The following ZNF529 variants were observed in gnomAD, a reference collection of about 807,000 sequenced individuals.
ZNF529 encodes the protein zinc finger protein 529.
A neutral mutation model predicts 10.1 loss-of-function variants in ZNF529; 11 were observed. The ratio of observed to expected loss-of-function variants is 1.09; its 90% confidence interval spans 0.69 to 1.81. The LOEUF (loss-of-function observed/expected upper bound fraction) is 1.81, where lower values mean the gene tolerates loss of function less well. Ranked by LOEUF, ZNF529 falls within the 40% of genes most tolerant of loss-of-function variation. The pLI is 0.00. For missense variants in ZNF529, 624 were observed against 666.8 expected (o/e 0.94, Z 0.71); for synonymous variants, 204 against 215.7 (o/e 0.95, Z 0.47).
Position 36,572,338 on chromosome 19 carries a change from G to A in ZNF529, c.9C>T (p.Asn3=), listed in dbSNP as rs893176945. 6.5e-7 allele frequency: 1 copy of A among 1,550,254 alleles called. No individual in the cohort carries two copies. The highest frequency in any genetic ancestry group is 2.0e-5 in the Admixed American group (1 of 50,894). The change falls in exon 2 of 5, where the codon AAC becomes AAT. Residue 3 remains asparagine (N), a synonymous_variant. Transcript: ENST00000591340. MA[N]SSFIGDHVHG... ...GAACAAAAAAAAAAACTAACCTTGA[G>A]TTGGCCATTAGTACCAATGCTGTCT...
At chr19:36,586,792 A>G (rs1348778332) in intron 2 of ZNF529, among the ~76,000 whole-genome samples, 1 of 152,192 alleles carries the variant, frequency 6.6e-6, no homozygotes, top group African/African-American at 2.4e-5. Context: ...AGTCTTTAAC[A>G]CCTCATATTT....
chr19:36,566,007 T>TCTC (rs1345331883), intron 2 of ZNF529, among the ~76,000 whole-genome samples: 1 of 152,184 alleles, frequency 6.6e-6, no homozygotes, highest in Non-Finnish European at 1.5e-5. Flanking sequence ...TGAGACAGGG[T>TCTC]CTCACTCTTT....
chr19:36,584,985 C>T (rs2036549245), intron 2 of ZNF529, among the ~76,000 whole-genome samples: 1 of 152,064 alleles, frequency 6.6e-6, no homozygotes, highest in Admixed American at 6.6e-5. Context: ...ATAAAAGAAG[C>T]AGCAAGTATA....
chr19:36,579,014 A>G (rs1352370175), intron 2 of ZNF529, among the ~76,000 whole-genome samples: 1 of 151,896 alleles, frequency 6.6e-6, no homozygotes, highest in Admixed American at 6.5e-5. Context: ...GTTCGAGACC[A>G]GCCTGGCCAA....
chr19:36,565,405 AC>A (rs2035858285), intron 2 of ZNF529, among the ~76,000 whole-genome samples: 1 of 152,164 alleles, frequency 6.6e-6, no homozygotes, highest in Non-Finnish European at 1.5e-5. Flanking sequence ...AAAGCCATAT[AC>A]AAAAATGAAG....
intron 1 of ZNF529, among the ~76,000 whole-genome samples, chr19:36,597,832 T>C (rs965531218): frequency 7.2e-5 from 11 of 152,140 alleles, no homozygotes; most frequent in Non-Finnish European, 1.3e-4. Flanking sequence ...TTATTTTACT[T>C]ATGAGAAGTT....
In ZNF529 at chr19:36,572,396, C is replaced by T. The variant is rs2036154673; in HGVS notation, c.-46-4G>A. 6.5e-7 allele frequency: 1 copy of T among 1,549,286 alleles called. No homozygotes were observed. On this transcript the variant is annotated splice_region_variant and splice_polypyrimidine_tract_variant and intron_variant, in intron 1 of 4. Transcript: ENST00000591340. The stretch of plus-strand genomic sequence containing the variant: ...CAGGGGGCCTTCACTTGCAGAACTA[C>T]ATAACCAAGAGGGAGAAAGGACTCA...
intron 1 of ZNF529, chr19:36,594,853 C>G (rs1267441061): frequency 6.6e-6 from 1 of 152,104 alleles, no homozygotes; most frequent in Admixed American, 6.6e-5. Context: ...CTGCTTCTAG[C>G]TCAGCACTTC....
intron 1 of ZNF529, among the ~76,000 whole-genome samples, chr19:36,599,712 G>A (rs943204142): frequency 3.9e-5 from 6 of 152,216 alleles, no homozygotes; most frequent in African/African-American, 1.4e-4. Context: ...CATCAGGAAT[G>A]ATAAAACCTA....
At chr19:36,565,579 T>C (rs1260307685) in intron 2 of ZNF529, among the ~76,000 whole-genome samples, 2 of 152,136 alleles carry the variant, frequency 1.3e-5, no homozygotes, top group Admixed American at 1.3e-4. Context: ...CACATGCCTA[T>C]AATCCCAGCT....
At chr19:36,575,350 C>T (rs188503925), upstream of ZNF529, among the ~76,000 whole-genome samples, 166 of 152,280 alleles carry the variant, frequency 1.1e-3, 1 homozygote, top group Non-Finnish European at 1.8e-3. Context: ...CTGGAAACAT[C>T]ATACAAACTA....
chr19:36,572,798 CGT>C (rs1212552505), intron 1 of ZNF529, among the ~76,000 whole-genome samples: 3 of 151,204 alleles, frequency 2.0e-5, no homozygotes, highest in Admixed American at 2.0e-4. Flanking sequence ...TATCTATATG[CGT>C]GTGTGTGTGT....
chr19:36,553,116 G>C (rs144176537), intron 4 of ZNF529, among the ~76,000 whole-genome samples: 1 of 152,110 alleles, frequency 6.6e-6, no homozygotes, highest in Admixed American at 6.6e-5. Flanking sequence ...CAGAGTTATT[G>C]TAAGAATTAA....
At chr19:36,598,349 T>C (rs966213169) in intron 1 of ZNF529, among the ~76,000 whole-genome samples, 1 of 151,804 alleles carries the variant, frequency 6.6e-6, no homozygotes, top group Non-Finnish European at 1.5e-5. Flanking sequence ...GTGTCTACAA[T>C]AGTAAAAAAT....
At chr19:36,588,965 C>G (rs996741639) in intron 2 of ZNF529, among the ~76,000 whole-genome samples, 2 of 137,710 alleles carry the variant, frequency 1.5e-5, no homozygotes, top group African/African-American at 5.5e-5. Context: ...TTTTTTAAGA[C>G]AGGATCACGC....
intron 2 of ZNF529, 75 bp downstream of exon 2, chr19:36,572,258 C>CA: frequency 6.7e-7 from 1 of 1,485,532 alleles, no homozygotes; most frequent in Non-Finnish European, 9.2e-7. Flanking sequence ...CAAGGGGACC[C>CA]ATCTCTACGG....
intron 2 of ZNF529, among the ~76,000 whole-genome samples, chr19:36,568,143 T>C (rs559788635): frequency 8.5e-5 from 13 of 152,284 alleles, no homozygotes; most frequent in East Asian, 1.9e-4. Context: ...CTGAGGAAGC[T>C]TCAATTCCCT....
rs60390575 is a variant in ZNF529, at chr19:36,596,362, G to A, written c.-127-6661C>T. ...GCTGGGATTACAGACGTGAGCCACCGCACCCAGCCTTGGGTATAAACTTTT... is the reference window on the plus strand; with the variant it reads ...GCTGGGATTACAGACGTGAGCCACCACACCCAGCCTTGGGTATAAACTTTT... On this transcript the variant is annotated intron_variant, in intron 1 of 4. Coordinates refer to the ZNF529 transcript ENST00000585960. Among the ~76,000 whole-genome samples, 1,457 of 151,620 alleles carry A rather than the reference G, an allele frequency of 9.6e-3. 17 individuals carry two copies. Among genetic ancestry groups the A allele is most frequent in the African/African-American group, 0.032 (1,339 of 41,326 alleles).
intron 2 of ZNF529, among the ~76,000 whole-genome samples, chr19:36,566,990 T>C (rs973591342): frequency 7.3e-5 from 11 of 150,064 alleles, no homozygotes; most frequent in African/African-American, 2.2e-4. Flanking sequence ...CATTCCAGCC[T>C]GGGCAACAGA....
Sources: gnomAD v4.1 joint callset for allele counts (sites outside exome capture counted in the v4.1 genomes callset) on GRCh38, gnomAD v4.1.1 for gene constraint, MANE v1.5 for transcripts, NCBI Gene and HGNC (gene_info 2026-07-23, HGNC 2026-07-21) for gene names.